COL4A5: variants seen among roughly 807,000 people sequenced by gnomAD.
The protein encoded by COL4A5 is collagen alpha-5(IV) chain.
Under a neutral mutation model 130.2 loss-of-function variants are expected in COL4A5, and 26 were observed. That is an observed-to-expected ratio of 0.20 (90% confidence interval 0.15 to 0.28). The LOEUF (loss-of-function observed/expected upper bound fraction) is 0.28, where lower values mean the gene tolerates loss of function less well. Among genes scored for constraint, COL4A5 ranks in the 10% least tolerant of loss-of-function variants. COL4A5 has a pLI of 1.00. For missense variants in COL4A5, 1,131 were observed against 1,344.3 expected, an observed-to-expected ratio of 0.84 and a Z score of 2.48; for synonymous variants, 496 against 439.6, an observed-to-expected ratio of 1.13 and a Z score of -1.60.
chrX:108,501,828 T>C (rs1297673013), intron 1 of COL4A5, among the ~76,000 whole-genome samples: 1 of 112,423 alleles, frequency 8.9e-6, no homozygotes, highest in South Asian at 3.7e-4. Flanking sequence ...ACTACAGTTA[T>C]TGACTCTTTT....
intron 6 of COL4A5, among the ~76,000 whole-genome samples, chrX:108,570,577 G>A (rs2066048574): frequency 1.8e-5 from 2 of 111,962 alleles, no homozygotes; most frequent in African/African-American, 6.5e-5. Context: ...GTAAGTAAAA[G>A]AATGAACTTT....
At chrX:108,593,691 A>T (rs1252015445) in intron 21 of COL4A5, among the ~76,000 whole-genome samples, 5 of 111,853 alleles carry the variant, frequency 4.5e-5, no homozygotes, top group African/African-American at 1.6e-4. Context: ...AATGAATTGC[A>T]TTAGCACTTT....
Position 108,440,159 on chromosome X carries a change from T to A in COL4A5, c.34T>A (p.Leu12Met), listed in dbSNP as rs199693699. ...GCGTGGAGTCAGCCTGGCTGCCGGC[T>A]TGTTCTTACTGGCCCTGAGTCTTTG... ...KLRGVSLAAG[L>M]FLLALSLWGQ... The change falls in exon 1 of 53, where the codon TTG becomes ATG. Residue 12 changes from leucine to methionine, a missense_variant. Physicochemically the swap from Leu to Met is conservative, Grantham distance 15. Transcript: ENST00000328300. The A allele has an allele frequency of 1.7e-6, 2 of 1,209,155 alleles. No homozygotes were observed.
intron 29 of COL4A5, among the ~76,000 whole-genome samples, chrX:108,610,799 A>G (rs767124547): frequency 9.0e-6 from 1 of 111,594 alleles, no homozygotes; most frequent in Non-Finnish European, 1.9e-5. Flanking sequence ...AGGTGCTAGA[A>G]AAATAAGTGT....
chrX:108,632,545 C>G (rs1041605235), intron 36 of COL4A5, among the ~76,000 whole-genome samples: 2 of 111,307 alleles, frequency 1.8e-5, no homozygotes, highest in African/African-American at 6.5e-5. Flanking sequence ...GAATTTTAGA[C>G]CAATATCCCT....
chrX:108,677,576 A>G lies in COL4A5; in HGVS notation c.3885A>G (p.Gln1295=), dbSNP rs2068330901. The change falls in exon 44 of 53, where the codon CAA becomes CAG. Residue 1295 remains glutamine, a synonymous_variant. Transcript: ENST00000328300. ...GIKGEKGNPG[Q]PGLPGLPGLK... Reference sequence around the variant, plus strand: ...AAGGAGAGAAGGGAAATCCAGGCCAACCTGGGCTACCTGGCTTGCCTGGTT... The same window carrying G: ...AAGGAGAGAAGGGAAATCCAGGCCAGCCTGGGCTACCTGGCTTGCCTGGTT... 1.7e-6 allele frequency: 2 copies of G among 1,210,567 alleles called. No homozygotes were observed. The highest frequency in any genetic ancestry group is 1.8e-5 in the South Asian group (1 of 56,950).
intron 1 of COL4A5, among the ~76,000 whole-genome samples, chrX:108,460,401 C>A (rs2064631853): frequency 9.0e-6 from 1 of 110,889 alleles, no homozygotes; most frequent in South Asian, 3.7e-4. Flanking sequence ...CCCTCCACCC[C>A]CTAAAGATAC....
intron 46 of COL4A5, among the ~76,000 whole-genome samples, chrX:108,681,295 C>A (rs1323319205): frequency 1.8e-5 from 2 of 110,559 alleles, no homozygotes; most frequent in Non-Finnish European, 1.9e-5. Context: ...TAAAATAGTT[C>A]TTTTTCCTAA....
chrX:108,563,384 C>T (rs1453081293), intron 3 of COL4A5, among the ~76,000 whole-genome samples: 1 of 110,804 alleles, frequency 9.0e-6, no homozygotes, highest in East Asian at 2.8e-4. Context: ...CTTTTTAAAT[C>T]GTTCTTACGC....
At chrX:108,494,501 A>G (rs16985502) in intron 1 of COL4A5, among the ~76,000 whole-genome samples, 11,631 of 111,429 alleles carry the variant, frequency 0.1, 1,306 homozygotes, top group African/African-American at 0.34. Context: ...GTTTTAACAC[A>G]TATGTCATAC....
At chrX:108,507,247 CA>C (rs1195605237) in intron 1 of COL4A5, among the ~76,000 whole-genome samples, 83 of 50,838 alleles carry the variant, frequency 1.6e-3, no homozygotes, top group Middle Eastern at 0.015. Flanking sequence ...ACAACAACAA[CA>C]AAAAAAAAAA....
Position 108,665,392 on chromosome X carries a change from G to C in COL4A5, c.3374-115G>C, listed in dbSNP as rs1241561202. 6 of 505,812 alleles carry C rather than the reference G, an allele frequency of 1.2e-5. No individual in the cohort carries two copies. The East Asian group carries it at 2.2e-4, about 19-fold the overall frequency. 41.7% of individuals were successfully genotyped at this position (505,812 alleles called of 1,213,427 possible). On this transcript the variant is annotated intron_variant, in intron 37 of 52. Transcript: ENST00000328300. ...GCCAACAAACACCAGCATCTTTTGGGTTTCTTTTTGTTCTTCACTGTTTCT... is the reference window on the plus strand; with the variant it reads ...GCCAACAAACACCAGCATCTTTTGGCTTTCTTTTTGTTCTTCACTGTTTCT...
At chrX:108,537,695 C>A (rs572523224) in intron 1 of COL4A5, among the ~76,000 whole-genome samples, 1 of 112,082 alleles carries the variant, frequency 8.9e-6, no homozygotes, top group East Asian at 2.8e-4. Context: ...CTCGCAACAA[C>A]AAAAACCCAT....
Position 108,597,071 on chromosome X carries a change from A to G in COL4A5, c.1587+3A>G, listed in dbSNP as rs1392307033. 2 of 1,181,879 alleles carry G rather than the reference A, an allele frequency of 1.7e-6. No homozygotes were observed. The highest frequency in any genetic ancestry group is 2.3e-6 in the Non-Finnish European group (2 of 875,448). On this transcript the variant is annotated splice_donor_region_variant and intron_variant, in intron 23 of 52. Coordinates refer to ENST00000328300, the MANE Select transcript of COL4A5 (RefSeq NM_033380.3). The stretch of plus-strand genomic sequence containing the variant: ...CAACTGGTCCCAAAGGATTACCAGT[A>G]AGTTTTGAGTATATTATAAAACAAA...
intron 36 of COL4A5, among the ~76,000 whole-genome samples, chrX:108,638,291 A>G (rs2067391917): frequency 9.0e-6 from 1 of 111,470 alleles, no homozygotes; most frequent in Non-Finnish European, 1.9e-5. Context: ...AGTGTAATAC[A>G]CCATCACACT....
intron 44 of COL4A5, among the ~76,000 whole-genome samples, chrX:108,678,711 T>A (rs756619094): frequency 6.3e-5 from 7 of 111,130 alleles, no homozygotes; most frequent in South Asian, 3.8e-4. Context: ...AAATTTTTTT[T>A]AATTATATAA....
At chrX:108,686,243 T>C in intron 48 of COL4A5, 114 bp downstream of exon 48, 1 of 584,339 alleles carries the variant, frequency 1.7e-6, no homozygotes, top group Non-Finnish European at 2.9e-6. Context: ...TTAGCATAGC[T>C]GACTGGTGAA....
intron 1 of COL4A5, among the ~76,000 whole-genome samples, chrX:108,464,298 T>A (rs2064682159): frequency 8.9e-6 from 1 of 111,958 alleles, no homozygotes; most frequent in Non-Finnish European, 1.9e-5. Context: ...GTCAGTTATA[T>A]GCATATACCA....
At chrX:108,645,685 T>C (rs112238418) in intron 36 of COL4A5, among the ~76,000 whole-genome samples, 10,687 of 107,310 alleles carry the variant, frequency 0.1, 1,278 homozygotes, top group African/African-American at 0.33. Context: ...ACCCATTAAC[T>C]CGTCATTTAG....
Sources: allele counts gnomAD v4.1 joint callset (sites outside exome capture counted in the v4.1 genomes callset), GRCh38; gene constraint gnomAD v4.1.1; transcripts MANE v1.5; gene names NCBI Gene and HGNC (gene_info 2026-07-23, HGNC 2026-07-21).